The following RAD52 variants were observed in gnomAD, a reference collection of about 807,000 sequenced individuals.
RAD52 encodes DNA repair protein RAD52 homolog.
RAD52 carries 47 observed loss-of-function variants against 55.5 expected under a neutral mutation model. The ratio of observed to expected loss-of-function variants is 0.85; its 90% CI spans 0.67 to 1.08. The LOEUF (loss-of-function observed/expected upper bound fraction) is 1.08, where lower values mean the gene tolerates loss of function less well. Ranked by LOEUF, RAD52 falls within the 50% of genes least tolerant of loss-of-function variation. RAD52 has a pLI of 0.00. For synonymous variants in RAD52, 184 were observed against 198.9 expected, an observed-to-expected ratio of 0.92 and a Z score of 0.63; for missense variants, 468 against 522.8, an observed-to-expected ratio of 0.90 and a Z score of 1.02.
intron 1 of RAD52, among the ~76,000 whole-genome samples, chr12:933,631 C>T (rs1442313706): frequency 2.0e-5 from 3 of 151,812 alleles, no homozygotes; most frequent in African/African-American, 4.8e-5. Context: ...GCTATTCTGG[C>T]GGTGCTATTA....
At chr12:932,918 G>A (rs1294916435) in intron 2 of RAD52, 57 bp downstream of exon 2, 4 of 1,526,006 alleles carry the variant, frequency 2.6e-6, no homozygotes, top group Non-Finnish European at 3.6e-6. Flanking sequence ...AAACTGCCTT[G>A]CCCTAACTTT....
At chr12:925,631 G>A (rs1422634987) in intron 6 of RAD52, 106 bp from the exon 7 acceptor site, 2 of 830,956 alleles carry the variant, frequency 2.4e-6, no homozygotes, top group Non-Finnish European at 2.0e-6. Context: ...AGGAGCAGCA[G>A]AGGAAGTGGA....
At chr12:969,470 A>C (rs1565708477) in intron 1 of RAD52, among the ~76,000 whole-genome samples, 1 of 152,080 alleles carries the variant, frequency 6.6e-6, no homozygotes, top group Non-Finnish European at 1.5e-5. Flanking sequence ...AATTTATTAC[A>C]TTTGACCATA....
intron 5 of RAD52, 77 bp downstream of exon 5, chr12:929,742 A>G: frequency 7.2e-7 from 1 of 1,394,206 alleles, no homozygotes; most frequent in Non-Finnish European, 1.0e-6. Context: ...CCGTCCAGCT[A>G]CCTACTTCCC....
upstream of RAD52, chr12:990,429 G>C (rs1959170393): frequency 6.6e-6 from 1 of 152,024 alleles, no homozygotes; most frequent in Non-Finnish European, 1.5e-5. Flanking sequence ...GGTTGCACCA[G>C]GCCCCAGCCG....
At chr12:943,204 T>G in intron 1 of RAD52, among the ~76,000 whole-genome samples, 1 of 152,170 alleles carries the variant, frequency 6.6e-6, no homozygotes, top group East Asian at 1.9e-4. Flanking sequence ...GGAACTCTCA[T>G]ACACTGTTGG....
At chr12:988,558 A>G (rs888637693) in intron 1 of RAD52, among the ~76,000 whole-genome samples, 1 of 152,202 alleles carries the variant, frequency 6.6e-6, no homozygotes, top group Non-Finnish European at 1.5e-5. Context: ...GGGTTTGTTT[A>G]GCTCACAATT....
At chr12:955,199 TG>T (rs1396507682) in intron 1 of RAD52, among the ~76,000 whole-genome samples, 1 of 152,326 alleles carries the variant, frequency 6.6e-6, no homozygotes, top group African/African-American at 2.4e-5. Context: ...CTGCCAAGTA[TG>T]GGTAAGATTT....
At chr12:988,948 G>A (rs1464136898) in intron 1 of RAD52, among the ~76,000 whole-genome samples, 2 of 151,850 alleles carry the variant, frequency 1.3e-5, no homozygotes, top group African/African-American at 2.4e-5. Context: ...ATAGCAGGAA[G>A]TTCCTGCCAA....
upstream of RAD52, chr12:990,124 T>G (rs190597013): frequency 2.0e-5 from 3 of 152,232 alleles, no homozygotes; most frequent in Admixed American, 6.5e-5. Context: ...GAGGAGCGAC[T>G]GCAATTTGTT....
At chr12:981,025 C>A (rs1959007504) in intron 1 of RAD52, among the ~76,000 whole-genome samples, 1 of 152,048 alleles carries the variant, frequency 6.6e-6, no homozygotes, top group Non-Finnish European at 1.5e-5. Context: ...TCCAAAGGCT[C>A]ATTTAAATAT....
chr12:990,173 T>G (rs1959168327), upstream of RAD52: 1 of 152,168 alleles, frequency 6.6e-6, no homozygotes, highest in Non-Finnish European at 1.5e-5. Flanking sequence ...TTAATTACGG[T>G]GGCGGAGGTA....
chr12:962,942 A>T (rs900703693), intron 1 of RAD52, among the ~76,000 whole-genome samples: 3 of 152,034 alleles, frequency 2.0e-5, no homozygotes, highest in African/African-American at 7.2e-5. Context: ...TATAGAGATG[A>T]CGTTTTGCCA....
intron 1 of RAD52, among the ~76,000 whole-genome samples, chr12:941,508 G>A (rs562442019): frequency 5.9e-5 from 9 of 152,184 alleles, no homozygotes; most frequent in Middle Eastern, 3.4e-3. Flanking sequence ...CGTAGAGACA[G>A]GGTTTCTCCA....
At chr12:928,879 G>T (rs921932324) in intron 5 of RAD52, among the ~76,000 whole-genome samples, 1 of 152,032 alleles carries the variant, frequency 6.6e-6, no homozygotes, top group Admixed American at 6.6e-5. Context: ...AGCACAGTAA[G>T]GCTACCGATA....
intron 3 of RAD52, 22 bp downstream of exon 3, chr12:931,197 TC>T: frequency 6.3e-7 from 1 of 1,582,610 alleles, no homozygotes. Context: ...ATGCCTGCTT[TC>T]CAGGCACATG....
intron 1 of RAD52, among the ~76,000 whole-genome samples, chr12:967,854 T>G (rs1261072362): frequency 6.6e-6 from 1 of 152,068 alleles, no homozygotes; most frequent in Non-Finnish European, 1.5e-5. Flanking sequence ...GAGGATCACC[T>G]GAGCCCAGGA....
chr12:933,173 A>T, intron 1 of RAD52, 97 bp from the exon 2 acceptor site: 1 of 862,018 alleles, frequency 1.2e-6, no homozygotes, highest in Non-Finnish European at 1.8e-6. Context: ...AAGAATCCTT[A>T]TGCGGCCAGG....
chr12:970,677 G>A (rs985944924), intron 1 of RAD52, among the ~76,000 whole-genome samples: 6 of 152,154 alleles, frequency 3.9e-5, no homozygotes, highest in Admixed American at 6.5e-5. Context: ...GTTGGGAGAG[G>A]GCATTTGGGA....
Sources: gnomAD v4.1 joint callset for allele counts (sites outside exome capture counted in the v4.1 genomes callset) on GRCh38, gnomAD v4.1.1 for gene constraint, MANE v1.5 for transcripts, NCBI Gene and HGNC (gene_info 2026-07-23, HGNC 2026-07-21) for gene names.